Variants in HPX observed in about 807,000 individuals in gnomAD.
HPX encodes hemopexin, also known as beta-1B-glycoprotein.
Under a neutral mutation model 53.8 loss-of-function variants are expected in HPX, and 42 were observed. That is an observed-to-expected ratio of 0.78 (90% CI 0.61 to 1.01). The LOEUF is 1.01. HPX is among the 50% of genes least tolerant of loss of function. The probability of loss-of-function intolerance (pLI) is 0.00; values close to 1 mark genes in which losing one functional copy is unlikely to be tolerated. For missense variants in HPX, 547 were observed against 594.3 expected, an observed-to-expected ratio of 0.92 and a Z score of 0.83; for synonymous variants, 229 against 221.1, an observed-to-expected ratio of 1.04 and a Z score of -0.32.
chr11:6,433,598 A>G (rs555915592), intron 7 of HPX, among the ~76,000 whole-genome samples: 1 of 152,332 alleles, frequency 6.6e-6, no homozygotes, highest in South Asian at 2.1e-4. Flanking sequence ...GGACAACTGC[A>G]CGGATTGCTA....
Position 6,440,567 on chromosome 11 carries a change from TAAAAAAAAAAAAAAAAAAAA to T in HPX, c.143-49_143-30del, listed in dbSNP as rs71056749. 125 of 591,152 alleles carry T rather than the reference TAAAAAAAAAAAAAAAAAAAA, an allele frequency of 2.1e-4. 1 individual carries two copies. The highest frequency in any genetic ancestry group is 3.8e-4 in the East Asian group (10 of 26,140). The allele number at this position is 591,152 out of a possible 1,614,324, so 36.6% of individuals were successfully genotyped here. A position where few individuals can be genotyped will look rare whatever the true frequency, so the allele number is the denominator to read the frequency against. Reference sequence around the variant, plus strand: ...GGGTGGAGGTAGGGAGATGGCAAAGTAAAAAAAAAAAAAAAAAAAAAAAAAAAAAAAAAAAACCAGAAGGT... The same window carrying T: ...GGGTGGAGGTAGGGAGATGGCAAAGTAAAAAAAAAAAAAAAACCAGAAGGT... On this transcript the variant is annotated intron_variant, in intron 2 of 9. Transcript: ENST00000265983.
rs1371939889 is a variant in HPX, at chr11:6,431,912, C to G, written c.941G>C (p.Trp314Ser). The change falls in exon 8 of 10, where the codon TGG becomes TCG. Residue 314 changes from tryptophan to serine, a missense_variant. Trp to Ser is a radical substitution (Grantham distance 177). Coordinates refer to ENST00000265983, the MANE Select transcript of HPX (RefSeq NM_000613.3). Reference sequence around the variant, plus strand: ...CTGGACCAGATAGAGTTTTTCTTCCCAGGAAAAGGCAGCATCCACTGCTGA... The same window carrying G: ...CTGGACCAGATAGAGTTTTTCTTCCGAGGAAAAGGCAGCATCCACTGCTGA... ...GPSAVDAAFS[W>S]EEKLYLVQGT... 5.6e-6 allele frequency: 9 copies of G among 1,614,028 alleles called. No homozygotes were observed. Among genetic ancestry groups the G allele is most frequent in the African/African-American group, 2.7e-5 (2 of 74,904 alleles).
Position 6,438,472 on chromosome 11 carries a change from T to G in HPX, c.374A>C (p.Glu125Ala). Residue 125 changes from glutamate (E) to alanine (A), a missense_variant, in exon 5 of 10, where the codon GAG becomes GCG. Physicochemically the swap from Glu to Ala is moderately radical, Grantham distance 107. Coordinates refer to ENST00000265983, the MANE Select transcript of HPX (RefSeq NM_000613.3). ...KVWVYPPEKKEKGYPKLLQDE... is the reference protein window; with the variant it reads ...KVWVYPPEKKAKGYPKLLQDE... ...TTGGAGCAACTTTGGGTATCCTTTC[T>G]CCTTCTTTTCAGGAGGGTATACCCA... 6.2e-7 allele frequency: 1 copy of G among 1,614,136 alleles called. No homozygotes were observed. The highest frequency in any genetic ancestry group is 8.5e-7 in the Non-Finnish European group (1 of 1,179,954).
At chr11:6,434,805 GA>G (rs1174442997) in intron 7 of HPX, among the ~76,000 whole-genome samples, 1 of 152,110 alleles carries the variant, frequency 6.6e-6, no homozygotes, top group East Asian at 1.9e-4. Context: ...ATCTTACTAG[GA>G]AAAAAGAGCA....
At position 6,440,901 on chromosome 11, in the gene HPX, G is replaced by A. The variant is rs769580904; in HGVS notation, c.63C>T (p.Ala21=). 6.2e-7 allele frequency: 1 copy of A among 1,613,144 alleles called. No homozygotes were observed. The highest frequency in any genetic ancestry group is 1.7e-5 in the Admixed American group (1 of 59,908). The change falls in exon 1 of 10, where the codon GCC becomes GCT. Residue 21 remains alanine (A), a synonymous_variant. Coordinates refer to ENST00000265983, the MANE Select transcript of HPX (RefSeq NM_000613.3). ...CTCACGGAGGAAGAGGGGTGGCAATGGCCAGAGACCAGCATAGGCTCCACA... is the reference window on the plus strand; with the variant it reads ...CTCACGGAGGAAGAGGGGTGGCAATAGCCAGAGACCAGCATAGGCTCCACA... ...LGLWSLCWSL[A]IATPLPPTSA...
In HPX at chr11:6,431,276, G is replaced by C; in HGVS notation, c.1324C>G (p.Leu442Val). ...TGCGGAAGGGCCTTGGCTGCATTCA[G>C]TTTCTCCACATCACTGTAGCAGTAC... is the stretch of plus-strand genomic sequence containing the variant. ...NLYCYSDVEK[L>V]NAAKALPQPQ... is the part of the protein sequence containing the mutation. The change falls in exon 10 of 10, where the codon CTG (leucine) becomes GTG (valine). Residue 442 changes from leucine to valine, a missense_variant. Physicochemically the swap from Leu to Val is conservative, Grantham distance 32. Coordinates refer to ENST00000265983, the MANE Select transcript of HPX (RefSeq NM_000613.3). 1 of 1,614,254 alleles carries C rather than the reference G, an allele frequency of 6.2e-7. No individual in the cohort carries two copies. The highest frequency in any genetic ancestry group is 1.3e-5 in the African/African-American group (1 of 75,064).
Position 6,437,177 on chromosome 11 carries a change from C to T in HPX, c.704G>A (p.Gly235Asp), listed in dbSNP as rs1849427281. The part of the protein sequence containing the change: ...RDYFMPCPGR[G>D]HGHRNGTGHG... ...GCCAGTCCCATTCCTGTGTCCATGG[C>T]CTGGAGAGAGAAATGGGTGAGGAGA... Residue 235 changes from glycine (G) to aspartate (D), a missense_variant and splice_region_variant, in exon 7 of 10, where the codon GGC (glycine) becomes GAC (aspartate). Transcript: ENST00000265983. 2 of 1,612,554 alleles carry T rather than the reference C, an allele frequency of 1.2e-6. No homozygotes were observed. The highest frequency in any genetic ancestry group is 1.7e-6 in the Non-Finnish European group (2 of 1,179,266).
rs749715738 is a variant in HPX at position 6,431,487 on chromosome 11, A to G, written c.1130-17T>C. On this transcript the variant is annotated splice_polypyrimidine_tract_variant and intron_variant, in intron 9 of 9. Transcript: ENST00000265983. ...GCCGCCGTCCTGGGGAGAAGGCACC[A>G]AACATAGCATGGCTTCCATGTCATG... 9.9e-6 allele frequency: 16 copies of G among 1,613,748 alleles called. No individual in the cohort carries two copies. In the South Asian group the frequency reaches 1.8e-4, roughly 18 times the overall value.
rs1188965523 is a variant in HPX, at chr11:6,437,324, T to A, written c.703+116A>T. 2.2e-6 allele frequency: 3 copies of A among 1,370,880 alleles called. No homozygotes were observed. The East Asian group carries it at 7.2e-5, about 33-fold the overall frequency. 84.9% of individuals were successfully genotyped at this position (1,370,880 alleles called of 1,614,324 possible). A position where few individuals can be genotyped will look rare whatever the true frequency, so the allele number is the denominator to read the frequency against. On this transcript the variant is annotated intron_variant, in intron 6 of 9. Transcript: ENST00000265983. ...AATCCAGAATGGAAATGGGGCTAGA[T>A]TAAGGGCCAAGGTGTCGCAACACGG...
intron 3 of HPX, 49 bp from the exon 4 acceptor site, chr11:6,440,335 T>C (rs1263645356): frequency 1.9e-6 from 3 of 1,610,788 alleles, no homozygotes; most frequent in Non-Finnish European, 2.5e-6. Context: ...ACCTTTGACC[T>C]ACTGAGATAG....
rs767909483 is a variant in HPX, at chr11:6,440,159, C to G, written c.336+6G>C. 1 of 1,614,074 alleles carries G rather than the reference C, an allele frequency of 6.2e-7. No homozygotes were observed. Among genetic ancestry groups the G allele is most frequent in the Non-Finnish European group, 8.5e-7 (1 of 1,180,030 alleles). On this transcript the variant is annotated splice_donor_region_variant and intron_variant, in intron 4 of 9. Coordinates refer to ENST00000265983, the MANE Select transcript of HPX (RefSeq NM_000613.3). Reference sequence around the variant, plus strand: ...CAGCCTGGCCCTGATTTTGGCCCAGCAGTACCTTGATCAGAAAGACACTGT... The same window carrying G: ...CAGCCTGGCCCTGATTTTGGCCCAGGAGTACCTTGATCAGAAAGACACTGT...
rs373599447 is a variant in HPX, at chr11:6,438,329, G to T, written c.490+27C>A. Reference sequence around the variant, plus strand: ...TCACTACCAACCCACCACTACTCCAGGTTCTTGGATTCCAGCCTGGACTGA... The same window carrying T: ...TCACTACCAACCCACCACTACTCCATGTTCTTGGATTCCAGCCTGGACTGA... On this transcript the variant is annotated intron_variant, in intron 5 of 9. Transcript: ENST00000265983. 4.2e-5 allele frequency: 68 copies of T among 1,612,048 alleles called. No individual in the cohort carries two copies. The Middle Eastern group carries it at 7.0e-4, about 16-fold the overall frequency.
intron 4 of HPX, 121 bp downstream of exon 4, chr11:6,440,044 A>G: frequency 7.8e-7 from 1 of 1,287,640 alleles, no homozygotes; most frequent in Non-Finnish European, 1.1e-6. Flanking sequence ...AAAGGAGGGC[A>G]CATGGGAAAG....
In HPX at chr11:6,438,656, T is replaced by A. The variant is rs553493934; in HGVS notation, c.337-147A>T. 5 of 729,004 alleles carry A rather than the reference T, an allele frequency of 6.9e-6. No individual in the cohort carries two copies. The East Asian group carries it at 1.3e-4, about 20-fold the overall frequency. 45.2% of individuals were successfully genotyped at this position (729,004 alleles called of 1,614,324 possible). On this transcript the variant is annotated intron_variant, in intron 4 of 9. Transcript: ENST00000265983. ...TCCATCTGTGGACAACAATGTGCTG[T>A]CCTTTTGCACATTACACACTCTCAG...
Position 6,431,900 on chromosome 11 carries a change from A to C in HPX, c.953T>G (p.Leu318Arg). 6.2e-7 allele frequency: 1 copy of C among 1,614,100 alleles called. No homozygotes were observed. The highest frequency in any genetic ancestry group is 1.1e-5 in the South Asian group (1 of 91,084). Reference sequence around the variant, plus strand: ...CCCAATACACACCTGGACCAGATAGAGTTTTTCTTCCCAGGAAAAGGCAGC... The same window carrying C: ...CCCAATACACACCTGGACCAGATAGCGTTTTTCTTCCCAGGAAAAGGCAGC... ...VDAAFSWEEK[L>R]YLVQGTQVYV... Residue 318 changes from leucine to arginine, a missense_variant, in exon 8 of 10, where the codon CTC becomes CGC. Leu to Arg is a moderately radical substitution (Grantham distance 102, BLOSUM62 -2). Coordinates refer to ENST00000265983, the MANE Select transcript of HPX (RefSeq NM_000613.3).
chr11:6,436,132 T>C (rs760440292), intron 7 of HPX, among the ~76,000 whole-genome samples: 1 of 152,198 alleles, frequency 6.6e-6, no homozygotes, highest in South Asian at 2.1e-4. Context: ...GTTCTTATTA[T>C]AGTGTGCAAT....
chr11:6,438,095 A>G lies in HPX; in HGVS notation c.490+261T>C, dbSNP rs1037748076. 7.4e-6 allele frequency: 4 copies of G among 540,582 alleles called. No individual in the cohort carries two copies. In the East Asian group the frequency reaches 1.2e-4, roughly 17 times the overall value. 33.5% of individuals were successfully genotyped at this position (540,582 alleles called of 1,614,324 possible). A position where few individuals can be genotyped will look rare whatever the true frequency, so the allele number is the denominator to read the frequency against. ...CATGGAGAGACTTGTATGTAAGACT[A>G]AAGAGGGTAGATTTGTCCTAAGGGT... On this transcript the variant is annotated intron_variant, in intron 5 of 9. Coordinates refer to ENST00000265983, the MANE Select transcript of HPX (RefSeq NM_000613.3).
Position 6,440,882 on chromosome 11 carries a change from G to A in HPX, c.82C>T (p.Pro28Ser). 1 of 1,613,182 alleles carries A rather than the reference G, an allele frequency of 6.2e-7. No individual in the cohort carries two copies. The highest frequency in any genetic ancestry group is 8.5e-7 in the Non-Finnish European group (1 of 1,179,448). The change falls in exon 1 of 10, where the codon CCG (proline) becomes TCG (serine). Residue 28 changes from proline to serine, a missense_variant and splice_region_variant. Pro to Ser is a moderately conservative substitution (Grantham distance 74). Coordinates refer to ENST00000265983, the MANE Select transcript of HPX (RefSeq NM_000613.3). ...GCTTCTAGTCCCAGCTTTACTCACG[G>A]AGGAAGAGGGGTGGCAATGGCCAGA... is the stretch of plus-strand genomic sequence containing the variant. Reference protein sequence around the residue: ...WSLAIATPLPPTSAHGNVAEG... With the variant: ...WSLAIATPLPSTSAHGNVAEG...
At position 6,431,355 on chromosome 11, in the gene HPX, A is replaced by G; in HGVS notation, c.1245T>C (p.Pro415=). ...GALCMEKSLG[P]NSCSANGPGL... is the part of the protein sequence containing the mutation. ...CGGGACCATTGGCGGAACATGAGTT[A>G]GGGCCAAGGGACTTTTCCATACACA... The change falls in exon 10 of 10, where the codon CCT becomes CCC. Residue 415 remains proline, a synonymous_variant. Coordinates refer to ENST00000265983, the MANE Select transcript of HPX (RefSeq NM_000613.3). 2.5e-6 allele frequency: 4 copies of G among 1,614,288 alleles called. No individual in the cohort carries two copies. Among genetic ancestry groups the G allele is most frequent in the Non-Finnish European group, 3.4e-6 (4 of 1,180,056 alleles).
Sources: gnomAD v4.1 joint callset for allele counts (sites outside exome capture counted in the v4.1 genomes callset) on GRCh38, gnomAD v4.1.1 for gene constraint, MANE v1.5 for transcripts, NCBI Gene and HGNC (gene_info 2026-07-23, HGNC 2026-07-21) for gene names.